The following PLA2G4A variants were observed in gnomAD, a reference collection of about 807,000 sequenced individuals.
PLA2G4A encodes the protein phospholipase A2 group IVA.
A neutral mutation model predicts 81.9 loss-of-function variants in PLA2G4A; 40 were observed. The observed-to-expected ratio is 0.49, with a 90% CI of 0.38 to 0.64. The LOEUF is 0.64. PLA2G4A is among the 30% of genes least tolerant of loss of function. PLA2G4A has a pLI of 0.00. For synonymous variants in PLA2G4A, 302 were observed against 296.9 expected, an observed-to-expected ratio of 1.02 and a Z score of -0.18; for missense variants, 715 against 905.1, an observed-to-expected ratio of 0.79 and a Z score of 2.69.
chr1:186,962,655 G>A (rs915212525), intron 14 of PLA2G4A, among the ~76,000 whole-genome samples: 2 of 152,018 alleles, frequency 1.3e-5, no homozygotes, highest in African/African-American at 4.8e-5. Context: ...AGAGTAGCTG[G>A]GACTACAGGC....
At chr1:186,962,490 A>T (rs772220642) in intron 14 of PLA2G4A, among the ~76,000 whole-genome samples, 54 of 40,874 alleles carry the variant, frequency 1.3e-3, no homozygotes, top group South Asian at 2.0e-3. Flanking sequence ...ATTTTATTTT[A>T]TTTATTTATT....
intron 5 of PLA2G4A, among the ~76,000 whole-genome samples, chr1:186,894,794 T>A (rs1201188474): frequency 6.6e-6 from 1 of 152,202 alleles, no homozygotes; most frequent in African/African-American, 2.4e-5. Flanking sequence ...GATAGTTTAT[T>A]TTGGAATAAT....
intron 2 of PLA2G4A, among the ~76,000 whole-genome samples, chr1:186,854,981 A>T (rs10489407): frequency 0.84 from 127,104 of 151,880 alleles, 53,349 homozygotes; most frequent in African/African-American, 0.9. Flanking sequence ...CAGGTTTATA[A>T]GAAGTAGATA....
At chr1:186,875,608 G>A (rs1159010034) in intron 3 of PLA2G4A, among the ~76,000 whole-genome samples, 1 of 151,894 alleles carries the variant, frequency 6.6e-6, no homozygotes, top group Non-Finnish European at 1.5e-5. Flanking sequence ...TACATATAAA[G>A]ATACCTTCCA....
At chr1:186,951,835 G>A (rs985982287) in intron 13 of PLA2G4A, among the ~76,000 whole-genome samples, 3 of 152,036 alleles carry the variant, frequency 2.0e-5, no homozygotes, top group African/African-American at 7.2e-5. Context: ...GGCAGCCAAC[G>A]CTTTCATCTG....
chr1:186,903,460 G>A lies in PLA2G4A; in HGVS notation c.379-3505G>A, dbSNP rs1654620948. 2.0e-5 allele frequency among the ~76,000 whole-genome samples: 3 copies of A among 152,256 alleles called. 1 individual carries two copies. The South Asian group carries it at 6.2e-4, about 32-fold the overall frequency. ...TCCCCAACCCCTGGTTCTGGTCTAT[G>A]GCAAGTTAGGACCTAGGCTCCGCAG... On this transcript the variant is annotated intron_variant, in intron 5 of 17. Coordinates refer to ENST00000367466, the MANE Select transcript of PLA2G4A (RefSeq NM_024420.3).
At chr1:186,916,258 T>G (rs575657821) in intron 7 of PLA2G4A, among the ~76,000 whole-genome samples, 1 of 152,070 alleles carries the variant, frequency 6.6e-6, no homozygotes. Context: ...TTTTTTCCAG[T>G]GAGGATTAAG....
intron 8 of PLA2G4A, among the ~76,000 whole-genome samples, chr1:186,937,222 T>A (rs1655981882): frequency 6.7e-6 from 1 of 149,626 alleles, no homozygotes; most frequent in Non-Finnish European, 1.5e-5. Flanking sequence ...AGGGTTTGTA[T>A]TTCCAAGCCA....
chr1:186,932,840 A>G lies in PLA2G4A; in HGVS notation c.636A>G (p.Leu212=), dbSNP rs1489563944. The change falls in exon 8 of 18, where the codon TTA becomes TTG. Residue 212 remains leucine (L), a synonymous_variant. Transcript: ENST00000367466. The stretch of plus-strand genomic sequence containing the variant: ...GATTCTCTGGTGTGATGAAGGCATT[A>G]TACGAATCAGGAATTCTGGATTGTG... ...MVGFSGVMKA[L]YESGILDCAT... is the part of the protein sequence containing the mutation. The G allele has an allele frequency of 6.2e-7, 1 of 1,613,124 alleles. No homozygotes were observed. The highest frequency in any genetic ancestry group is 1.7e-5 in the Admixed American group (1 of 59,986).
chr1:186,901,219 G>T (rs998354127), intron 5 of PLA2G4A, among the ~76,000 whole-genome samples: 3 of 152,222 alleles, frequency 2.0e-5, no homozygotes, highest in Non-Finnish European at 4.4e-5. Flanking sequence ...GCAGGACAGA[G>T]TTCAAATGTG....
At chr1:186,954,505 G>A (rs1329305174) in intron 13 of PLA2G4A, among the ~76,000 whole-genome samples, 3 of 151,972 alleles carry the variant, frequency 2.0e-5, no homozygotes, top group Non-Finnish European at 4.4e-5. Context: ...GAGTTGATGG[G>A]TGCAGCAAAC....
At chr1:186,833,047 A>G (rs1365774435) in intron 1 of PLA2G4A, among the ~76,000 whole-genome samples, 4 of 152,128 alleles carry the variant, frequency 2.6e-5, no homozygotes, top group African/African-American at 9.7e-5. Flanking sequence ...CCAGCACCAG[A>G]GACATCCTGG....
chr1:186,856,598 G>T (rs1652562634), intron 2 of PLA2G4A, among the ~76,000 whole-genome samples: 1 of 151,762 alleles, frequency 6.6e-6, no homozygotes, highest in South Asian at 2.1e-4. Context: ...TGCCATGTTG[G>T]CCAGGCTGGT....
chr1:186,905,693 C>T (rs1654707947), intron 5 of PLA2G4A, among the ~76,000 whole-genome samples: 1 of 109,028 alleles, frequency 9.2e-6, no homozygotes, highest in South Asian at 3.1e-4. Context: ...ATGCACTCCT[C>T]CTCCTCACAC....
intron 7 of PLA2G4A, among the ~76,000 whole-genome samples, chr1:186,919,581 C>T (rs1011501240): frequency 2.0e-5 from 3 of 152,158 alleles, no homozygotes; most frequent in Non-Finnish European, 4.4e-5. Flanking sequence ...CACGGCCTCC[C>T]TGAACATAGT....
chr1:186,973,831 T>A (rs913218996), intron 15 of PLA2G4A, among the ~76,000 whole-genome samples: 9 of 152,254 alleles, frequency 5.9e-5, no homozygotes, highest in African/African-American at 2.2e-4. Context: ...AGTTTCTATC[T>A]GTTGTATTTT....
At chr1:186,892,894 A>C in intron 3 of PLA2G4A, 117 bp from the exon 4 acceptor site, 5 of 767,504 alleles carry the variant, frequency 6.5e-6, no homozygotes, top group Non-Finnish European at 6.8e-6. Context: ...TGTCTCAGAC[A>C]TTTAAATACA....
intron 1 of PLA2G4A, among the ~76,000 whole-genome samples, chr1:186,842,785 A>G (rs936488429): frequency 4.2e-4 from 64 of 152,322 alleles, no homozygotes; most frequent in African/African-American, 1.4e-3. Context: ...AACCTCCAGA[A>G]CTGTAAGAAA....
At chr1:186,959,578 A>G (rs1205455155) in intron 14 of PLA2G4A, among the ~76,000 whole-genome samples, 4 of 152,142 alleles carry the variant, frequency 2.6e-5, no homozygotes, top group Non-Finnish European at 5.9e-5. Flanking sequence ...TCACAGATTC[A>G]TTCAACTTTA....
Sources: allele counts gnomAD v4.1 joint callset (sites outside exome capture counted in the v4.1 genomes callset), GRCh38; gene constraint gnomAD v4.1.1; transcripts MANE v1.5; gene names NCBI Gene and HGNC (gene_info 2026-07-23, HGNC 2026-07-21).